The following MAN1C1 variants were observed in gnomAD, a reference collection of about 807,000 sequenced individuals.
The protein encoded by MAN1C1 is mannosidase alpha class 1C member 1, also known as mannosyl-oligosaccharide 1,2-alpha-mannosidase IC.
In MAN1C1, 49 loss-of-function variants were observed where a neutral mutation model predicts 71.5. The observed-to-expected ratio is 0.69, with a 90% CI of 0.54 to 0.87. The LOEUF is 0.87. Ranked by LOEUF, MAN1C1 falls within the 40% of genes least tolerant of loss-of-function variation. The pLI, the probability that MAN1C1 is intolerant of heterozygous loss-of-function variation, is 0.00. For synonymous variants in MAN1C1, 352 were observed against 343.7 expected (o/e 1.02, Z -0.27); for missense variants, 743 against 835.0 (o/e 0.89, Z 1.36).
rs1413328268 is a variant in MAN1C1, at chr1:25,753,967, ACT to A, written c.929+394_929+395del. ...AGAGTCTTCCACAATGGCCCCAAAC[ACT>A]CTCTTCCCCCGCTGGGGTTCCGGAG... On this transcript the variant is annotated intron_variant, in intron 5 of 11. Transcript: ENST00000374332. The surrounding 1 kb of genome is among the most constrained non-coding windows in gnomAD (Gnocchi z 4.9). Among the ~76,000 whole-genome samples, 1 of 150,364 alleles carries A rather than the reference ACT, an allele frequency of 6.7e-6. No homozygotes were observed. The highest frequency in any genetic ancestry group is 1.5e-5 in the Non-Finnish European group (1 of 67,440).
At chr1:25,752,983 G>A (rs58737343) in intron 4 of MAN1C1, among the ~76,000 whole-genome samples, 5,460 of 152,296 alleles carry the variant, frequency 0.036, 336 homozygotes, top group African/African-American at 0.12. Context: ...CAGTCTGTCC[G>A]AACGGCACCA....
chr1:25,680,347 G>A (rs1232998489), intron 1 of MAN1C1, among the ~76,000 whole-genome samples: 1 of 152,154 alleles, frequency 6.6e-6, no homozygotes, highest in Admixed American at 6.5e-5. Flanking sequence ...ACACGTGTGA[G>A]CCACCATGCC....
intron 2 of MAN1C1, among the ~76,000 whole-genome samples, chr1:25,721,107 G>C (rs1315546040): frequency 1.3e-5 from 2 of 151,994 alleles, no homozygotes; most frequent in Non-Finnish European, 2.9e-5. Context: ...CTCCATCTTT[G>C]TTCTTTTTCA....
chr1:25,666,213 A>C (rs2045921837), intron 1 of MAN1C1, among the ~76,000 whole-genome samples: 1 of 152,164 alleles, frequency 6.6e-6, no homozygotes, highest in Non-Finnish European at 1.5e-5. Context: ...GAGGGTTTAG[A>C]CTTTTAACGG....
intron 1 of MAN1C1, among the ~76,000 whole-genome samples, chr1:25,647,953 C>T (rs1170995724): frequency 6.6e-6 from 1 of 152,180 alleles, no homozygotes; most frequent in East Asian, 1.9e-4. Context: ...TGCTGCAGGG[C>T]TATCCTCCCA....
intron 1 of MAN1C1, among the ~76,000 whole-genome samples, chr1:25,640,073 C>T (rs1341192694): frequency 1.3e-5 from 2 of 152,270 alleles, no homozygotes; most frequent in East Asian, 1.9e-4. Context: ...AAAAGAGAAT[C>T]GTTCACATAA....
At chr1:25,709,545 A>G (rs965496471) in intron 2 of MAN1C1, 1 of 152,108 alleles carries the variant, frequency 6.6e-6, no homozygotes. Flanking sequence ...AGCCCTATTC[A>G]GTTGTGTTAA....
chr1:25,767,763 CATA>C (rs1353378120), intron 7 of MAN1C1, among the ~76,000 whole-genome samples: 33 of 36,566 alleles, frequency 9.0e-4, no homozygotes, highest in African/African-American at 6.4e-3. Flanking sequence ...ACTCCCCTCA[CATA>C]ATCCACACTC....
At chr1:25,739,932 G>A (rs3014703) in intron 2 of MAN1C1, among the ~76,000 whole-genome samples, 14 of 152,106 alleles carry the variant, frequency 9.2e-5, no homozygotes, top group African/African-American at 1.7e-4. Flanking sequence ...TTGTGAATGC[G>A]CCACAGCCCC....
At chr1:25,727,297 G>A (rs1177032415) in intron 2 of MAN1C1, among the ~76,000 whole-genome samples, 1 of 152,170 alleles carries the variant, frequency 6.6e-6, no homozygotes, top group Non-Finnish European at 1.5e-5. Flanking sequence ...CTTTGGAAAT[G>A]GATACTTCAT....
intron 2 of MAN1C1, among the ~76,000 whole-genome samples, chr1:25,736,682 A>G (rs577924532): frequency 1.6e-4 from 25 of 152,172 alleles, no homozygotes; most frequent in Admixed American, 3.9e-4. Flanking sequence ...ACATGCCCCT[A>G]TGTCTGGCAA....
chr1:25,753,499 G>C lies in MAN1C1; in HGVS notation c.850G>C (p.Ala284Pro), dbSNP rs570422886. Residue 284 changes from alanine to proline, a missense_variant, in exon 5 of 12, where the codon GCC (alanine) becomes CCC (proline). Transcript: ENST00000374332. The surrounding 1 kb of genome is among the most constrained non-coding windows in gnomAD (Gnocchi z 4.9). ...TCCTTTACAGGTGTTCCGAATAAAG[G>C]CCATCAGGCTGGGAGAGAAGCTCCT... ...LTGEEVFRIK[A>P]IRLGEKLLPA... is the part of the protein sequence containing the mutation. 2 of 1,613,622 alleles carry C rather than the reference G, an allele frequency of 1.2e-6. No individual in the cohort carries two copies. Among genetic ancestry groups the C allele is most frequent in the South Asian group, 1.1e-5 (1 of 91,040 alleles).
intron 2 of MAN1C1, among the ~76,000 whole-genome samples, chr1:25,729,574 T>G (rs1036884353): frequency 9.2e-5 from 14 of 151,768 alleles, no homozygotes; most frequent in African/African-American, 3.1e-4. Context: ...TGCAATGGCA[T>G]GATCTCGGCT....
Position 25,769,249 on chromosome 1 carries a change from CCTT to C in MAN1C1, c.1142-2407_1142-2405del, listed in dbSNP as rs1331405323. On this transcript the variant is annotated intron_variant, in intron 7 of 11. Transcript: ENST00000374332. This position sits in a 1 kb window ranked among gnomAD's most constrained non-coding sequence, Gnocchi z 4.8. ...CCCCTCATACACTACACACCACACTCCTTGACACACACACACTCTCCCTACACA... is the reference window on the plus strand; with the variant it reads ...CCCCTCATACACTACACACCACACTCGACACACACACACTCTCCCTACACA... Among the ~76,000 whole-genome samples, 3 of 139,888 alleles carry C rather than the reference CCTT, an allele frequency of 2.1e-5. No homozygotes were observed. The highest frequency in any genetic ancestry group is 4.6e-5 in the Non-Finnish European group (3 of 65,848). The allele number at this position is 139,888 out of a possible 152,430, so 91.8% of individuals were successfully genotyped here. A position where few individuals can be genotyped will look rare whatever the true frequency, so the allele number is the denominator to read the frequency against.
Position 25,675,824 on chromosome 1 carries a change from G to C in MAN1C1, c.541-10616G>C, listed in dbSNP as rs531582836. Among the ~76,000 whole-genome samples the C allele has an allele frequency of 6.6e-5, 10 of 152,260 alleles. No individual in the cohort carries two copies. The South Asian group carries it at 2.1e-3, about 32-fold the overall frequency. ...TTTACATCTGTTATTTACTCTTAGGGTTATTCTAAGGATTAAGTATTTCTG... is the reference window on the plus strand; with the variant it reads ...TTTACATCTGTTATTTACTCTTAGGCTTATTCTAAGGATTAAGTATTTCTG... On this transcript the variant is annotated intron_variant, in intron 1 of 11. Coordinates refer to ENST00000374332, the MANE Select transcript of MAN1C1 (RefSeq NM_020379.4).
chr1:25,777,234 G>A (rs906864304), intron 8 of MAN1C1, among the ~76,000 whole-genome samples: 7 of 152,180 alleles, frequency 4.6e-5, no homozygotes, highest in Non-Finnish European at 8.8e-5. Context: ...TGGAGGCAGA[G>A]GCCTGGAAGG....
chr1:25,688,404 T>C (rs1473834681), intron 2 of MAN1C1, among the ~76,000 whole-genome samples: 1 of 152,190 alleles, frequency 6.6e-6, no homozygotes, highest in East Asian at 1.9e-4. Flanking sequence ...GCTTCCTCCT[T>C]CTCTCTAAAC....
chr1:25,767,150 G>T (rs931938225), intron 7 of MAN1C1, among the ~76,000 whole-genome samples: 2 of 147,652 alleles, frequency 1.4e-5, no homozygotes, highest in Non-Finnish European at 3.0e-5. Context: ...GACCACACTC[G>T]TACACACACA....
At position 25,648,055 on chromosome 1, in the gene MAN1C1, G is replaced by A. The variant is rs193059192; in HGVS notation, c.540+29718G>A. On this transcript the variant is annotated intron_variant, in intron 1 of 11. Transcript: ENST00000374332. ...GTGTCGGCTGGGCACTTGTCGCTGT[G>A]CCCAAGCTCTGGGAGCCCCGCCTGC... Among the ~76,000 whole-genome samples, 3 of 152,348 alleles carry A rather than the reference G, an allele frequency of 2.0e-5. No individual in the cohort carries two copies. The East Asian group carries it at 5.8e-4, about 29-fold the overall frequency.
Sources: gnomAD v4.1 joint callset for allele counts (sites outside exome capture counted in the v4.1 genomes callset) on GRCh38, gnomAD v4.1.1 for gene constraint, Gnocchi (gnomAD v3.1) non-coding constraint, MANE v1.5 for transcripts, NCBI Gene and HGNC (gene_info 2026-07-23, HGNC 2026-07-21) for gene names.